COL21A1: variants seen among roughly 807,000 people sequenced by gnomAD.
COL21A1 encodes collagen alpha-1(XXI) chain.
COL21A1 carries 149 observed loss-of-function variants against 137.9 expected under a neutral mutation model. The observed-to-expected ratio is 1.08, with a 90% CI of 0.95 to 1.24. The LOEUF (loss-of-function observed/expected upper bound fraction) is 1.24, where lower values mean the gene tolerates loss of function less well. Ranked by LOEUF, COL21A1 falls within the 50% of genes most tolerant of loss-of-function variation. The pLI, the probability that COL21A1 is intolerant of heterozygous loss-of-function variation, is 0.00. For missense variants in COL21A1, 1,167 were observed against 1,158.4 expected (o/e 1.01, Z -0.11); for synonymous variants, 456 against 391.5 (o/e 1.16, Z -1.95).
At chr6:56,115,747 G>A (rs1024045321) in intron 16 of COL21A1, among the ~76,000 whole-genome samples, 5 of 152,110 alleles carry the variant, frequency 3.3e-5, no homozygotes, top group African/African-American at 1.2e-4. Context: ...CAAAATAGGT[G>A]TGTTGAGAAA....
intron 1 of COL21A1, among the ~76,000 whole-genome samples, chr6:56,363,560 G>C (rs1343714880): frequency 1.3e-5 from 2 of 152,328 alleles, no homozygotes; most frequent in East Asian, 3.9e-4. Flanking sequence ...CCAGGTGATT[G>C]TGTGTTTCAG....
At position 56,181,110 on chromosome 6, in the gene COL21A1, A is replaced by T. The variant is rs1017480508; in HGVS notation, c.89-981T>A. ...TCAAGAAGTTCCAAAAATAAAAAGA[A>T]TTGCCAAAATATGGATTTGTCTCAA... On this transcript the variant is annotated intron_variant, in intron 2 of 29. Transcript: ENST00000244728. Among the ~76,000 whole-genome samples the T allele has an allele frequency of 3.3e-5, 5 of 152,354 alleles. No homozygotes were observed. The South Asian group carries it at 1.0e-3, about 32-fold the overall frequency.
intron 1 of COL21A1, among the ~76,000 whole-genome samples, chr6:56,205,921 A>G (rs1347115024): frequency 6.6e-6 from 1 of 152,258 alleles, no homozygotes; most frequent in Non-Finnish European, 1.5e-5. Context: ...TCCTTTATAG[A>G]CAAGCAAATG....
intron 1 of COL21A1, among the ~76,000 whole-genome samples, chr6:56,291,599 G>C (rs1465305318): frequency 6.6e-6 from 1 of 152,230 alleles, no homozygotes; most frequent in Admixed American, 6.5e-5. Context: ...ACAAAGCAGA[G>C]CTTAGGAGGG....
chr6:56,293,687 G>A (rs4075390), intron 1 of COL21A1, among the ~76,000 whole-genome samples: 130,317 of 152,088 alleles, frequency 0.86, 57,976 homozygotes, highest in South Asian at 0.99. Context: ...TATCTTATGG[G>A]AATCTTGATT....
At chr6:56,211,234 T>TAC (rs1463413696) in intron 1 of COL21A1, among the ~76,000 whole-genome samples, 1 of 60,130 alleles carries the variant, frequency 1.7e-5, no homozygotes, top group Non-Finnish European at 3.1e-5. Context: ...TATACATATA[T>TAC]ATGTATATGT....
At chr6:56,103,447 G>C (rs906591707) in intron 16 of COL21A1, among the ~76,000 whole-genome samples, 1 of 152,122 alleles carries the variant, frequency 6.6e-6, no homozygotes, top group African/African-American at 2.4e-5. Flanking sequence ...AAATTATTAG[G>C]TTGGTGCAAA....
intron 1 of COL21A1, among the ~76,000 whole-genome samples, chr6:56,232,695 C>A (rs1189525928): frequency 6.6e-6 from 1 of 151,906 alleles, no homozygotes; most frequent in Non-Finnish European, 1.5e-5. Flanking sequence ...CAGACTTTAT[C>A]CAAAAGGAGA....
intron 1 of COL21A1, among the ~76,000 whole-genome samples, chr6:56,298,672 A>G (rs1246220580): frequency 6.6e-6 from 1 of 152,084 alleles, no homozygotes; most frequent in Non-Finnish European, 1.5e-5. Context: ...AGTTGGAAGG[A>G]GTCTTCAGAG....
intron 1 of COL21A1, among the ~76,000 whole-genome samples, chr6:56,274,485 A>C (rs867817228): frequency 1.2e-4 from 18 of 152,228 alleles, no homozygotes; most frequent in African/African-American, 4.1e-4. Flanking sequence ...CTTTGCCAAA[A>C]GGCCTAGAAC....
intron 16 of COL21A1, among the ~76,000 whole-genome samples, chr6:56,109,326 T>C (rs1771218133): frequency 6.7e-6 from 1 of 149,332 alleles, no homozygotes; most frequent in Admixed American, 6.6e-5. Flanking sequence ...AAGTAGAGAG[T>C]GAAAGCATAT....
At chr6:56,261,762 G>T (rs1312963939) in intron 1 of COL21A1, among the ~76,000 whole-genome samples, 1 of 152,284 alleles carries the variant, frequency 6.6e-6, no homozygotes, top group South Asian at 2.1e-4. Context: ...AAATCAACAA[G>T]GGATTATTTC....
chr6:56,201,118 G>A (rs1201034318), intron 1 of COL21A1, among the ~76,000 whole-genome samples: 6 of 152,072 alleles, frequency 3.9e-5, no homozygotes, highest in Non-Finnish European at 7.4e-5. Flanking sequence ...AGAAGTGTCT[G>A]TTCATATCCT....
intron 20 of COL21A1, among the ~76,000 whole-genome samples, chr6:56,073,069 CAA>C (rs1766897142): frequency 6.7e-6 from 1 of 150,310 alleles, no homozygotes; most frequent in East Asian, 2.0e-4. Context: ...AATTGACCTT[CAA>C]CACAGTGTGA....
chr6:56,305,144 T>G (rs1225520551), intron 1 of COL21A1, among the ~76,000 whole-genome samples: 1 of 152,238 alleles, frequency 6.6e-6, no homozygotes, highest in Non-Finnish European at 1.5e-5. Flanking sequence ...AGGAATGCTT[T>G]ACTTCCAACT....
intron 1 of COL21A1, among the ~76,000 whole-genome samples, chr6:56,253,604 T>C (rs1307153415): frequency 6.6e-6 from 1 of 152,188 alleles, no homozygotes; most frequent in Non-Finnish European, 1.5e-5. Flanking sequence ...ACTTCTGTAT[T>C]TTTCCCTATG....
intron 9 of COL21A1, among the ~76,000 whole-genome samples, chr6:56,159,189 C>G (rs1776009737): frequency 6.6e-6 from 1 of 152,148 alleles, no homozygotes; most frequent in South Asian, 2.1e-4. Context: ...AACTTTCTTA[C>G]TCCATTTTTT....
chr6:56,275,281 C>A (rs9475649), intron 1 of COL21A1, among the ~76,000 whole-genome samples: 3 of 151,802 alleles, frequency 2.0e-5, no homozygotes, highest in African/African-American at 7.3e-5. Flanking sequence ...ACAGGAGATA[C>A]CCTTCTCTAC....
chr6:56,074,986 G>A (rs1026751855), intron 19 of COL21A1, among the ~76,000 whole-genome samples: 5 of 150,416 alleles, frequency 3.3e-5, no homozygotes, highest in Admixed American at 6.6e-5. Context: ...AAATTTGGGG[G>A]GGGATTCTTG....
Sources: gnomAD v4.1 joint callset for allele counts (sites outside exome capture counted in the v4.1 genomes callset) on GRCh38, gnomAD v4.1.1 for gene constraint, MANE v1.5 for transcripts, NCBI Gene and HGNC (gene_info 2026-07-23, HGNC 2026-07-21) for gene names.